RERE: variants seen among roughly 807,000 people sequenced by gnomAD.
The protein encoded by RERE is arginine-glutamic acid dipeptide repeats, also known as arginine-glutamic acid dipeptide repeats protein.
Under a neutral mutation model 146.1 loss-of-function variants are expected in RERE, and 40 were observed. The ratio of observed to expected loss-of-function variants is 0.27; its 90% CI spans 0.21 to 0.36. The LOEUF (loss-of-function observed/expected upper bound fraction) is 0.36. Ranked by LOEUF, RERE falls within the 10% of genes least tolerant of loss-of-function variation. RERE has a pLI of 1.00. For synonymous variants in RERE, 1,003 were observed against 866.0 expected (o/e 1.16, Z -2.78); for missense variants, 1,933 against 2,138.7 (o/e 0.90, Z 1.90).
intron 11 of RERE, among the ~76,000 whole-genome samples, chr1:8,461,880 T>C (rs1299791433): frequency 6.6e-6 from 1 of 152,180 alleles, no homozygotes; most frequent in Non-Finnish European, 1.5e-5. Flanking sequence ...AGTCTTGCTC[T>C]GTTGCCCAGG....
chr1:8,478,568 G>A (rs532381868), intron 10 of RERE, among the ~76,000 whole-genome samples: 1 of 152,270 alleles, frequency 6.6e-6, no homozygotes, highest in African/African-American at 2.4e-5. Context: ...GAAAGTTGCT[G>A]GGTAAGGGGG....
intron 4 of RERE, among the ~76,000 whole-genome samples, chr1:8,596,276 T>C (rs1223389765): frequency 2.6e-5 from 4 of 152,218 alleles, no homozygotes; most frequent in Non-Finnish European, 5.9e-5. Flanking sequence ...AGCTCTCCTC[T>C]AGAAACTGGT....
chr1:8,585,517 T>G (rs751741781), intron 4 of RERE, among the ~76,000 whole-genome samples: 22 of 152,188 alleles, frequency 1.4e-4, no homozygotes, highest in Non-Finnish European at 2.6e-4. Flanking sequence ...ATGCTAATTA[T>G]GTGTCTGCTG....
intron 4 of RERE, among the ~76,000 whole-genome samples, chr1:8,593,233 G>A (rs1430154067): frequency 1.3e-5 from 2 of 152,202 alleles, no homozygotes; most frequent in South Asian, 2.1e-4. Flanking sequence ...TCTGGAATGG[G>A]CCTAAAATAG....
At chr1:8,638,324 T>C (rs1488463778) in intron 2 of RERE, among the ~76,000 whole-genome samples, 1 of 152,226 alleles carries the variant, frequency 6.6e-6, no homozygotes, top group Non-Finnish European at 1.5e-5. Context: ...TTTATACTGA[T>C]GTCATAGGCA....
At chr1:8,670,299 A>G (rs565046151) in intron 1 of RERE, among the ~76,000 whole-genome samples, 14 of 152,360 alleles carry the variant, frequency 9.2e-5, no homozygotes, top group African/African-American at 3.1e-4. Flanking sequence ...AAATGTAGTT[A>G]TAACACTGAT....
intron 1 of RERE, chr1:8,751,044 TC>T (rs1640524925): frequency 1.9e-5 from 11 of 594,194 alleles, no homozygotes; most frequent in Non-Finnish European, 6.1e-6. Flanking sequence ...GCAAATAACT[TC>T]CTGTGGCCCT....
intron 1 of RERE, among the ~76,000 whole-genome samples, chr1:8,738,376 T>C (rs978412130): frequency 6.6e-6 from 1 of 151,938 alleles, no homozygotes; most frequent in African/African-American, 2.4e-5. Flanking sequence ...TCTGCCTCCC[T>C]GGTTCAAGTG....
chr1:8,399,237 A>G (rs574651140), intron 12 of RERE, among the ~76,000 whole-genome samples: 13 of 151,946 alleles, frequency 8.6e-5, no homozygotes, highest in Non-Finnish European at 1.9e-4. Context: ...AGATAAATAT[A>G]TTATCATTTA....
chr1:8,384,281 C>T (rs1159849936), intron 12 of RERE, among the ~76,000 whole-genome samples: 1 of 152,218 alleles, frequency 6.6e-6, no homozygotes, highest in Admixed American at 6.5e-5. Flanking sequence ...CATGCGCATC[C>T]TGTTCCTGCT....
At chr1:8,581,331 A>G (rs1246949703) in intron 4 of RERE, among the ~76,000 whole-genome samples, 4 of 152,214 alleles carry the variant, frequency 2.6e-5, no homozygotes, top group South Asian at 2.1e-4. Context: ...GTCTTATCCT[A>G]TAAGAGTGTT....
intron 2 of RERE, among the ~76,000 whole-genome samples, chr1:8,640,293 T>C (rs781340024): frequency 6.6e-6 from 1 of 152,104 alleles, no homozygotes; most frequent in Non-Finnish European, 1.5e-5. Context: ...TTAAACTATA[T>C]GAATCTCTAT....
chr1:8,416,356 C>T (rs60560758), intron 12 of RERE, among the ~76,000 whole-genome samples: 3,894 of 152,114 alleles, frequency 0.026, 166 homozygotes, highest in African/African-American at 0.089. Flanking sequence ...GAGGCCAAGG[C>T]GGGCGGATCA....
chr1:8,724,932 T>C (rs1383254624), intron 1 of RERE, among the ~76,000 whole-genome samples: 1 of 150,856 alleles, frequency 6.6e-6, no homozygotes, highest in Non-Finnish European at 1.5e-5. Flanking sequence ...ATTAACTTTC[T>C]ACTTTTTTCG....
chr1:8,388,420 C>CGGCCGTTCCCCG (rs1553160190), intron 12 of RERE, among the ~76,000 whole-genome samples: 2 of 152,010 alleles, frequency 1.3e-5, no homozygotes, highest in Non-Finnish European at 2.9e-5. Flanking sequence ...CCCGGGTTCA[C>CGGCCGTTCCCCG]GCCATTCTCC....
intron 12 of RERE, among the ~76,000 whole-genome samples, chr1:8,404,801 G>C (rs1183822692): frequency 6.6e-6 from 1 of 152,174 alleles, no homozygotes; most frequent in Non-Finnish European, 1.5e-5. Flanking sequence ...GTGTCAGGGC[G>C]AGGTGGAAGG....
At chr1:8,595,151 C>A (rs1646540076) in intron 4 of RERE, among the ~76,000 whole-genome samples, 1 of 148,756 alleles carries the variant, frequency 6.7e-6, no homozygotes, top group Non-Finnish European at 1.5e-5. Flanking sequence ...CAGAGCAAGA[C>A]CGTGTCCAAA....
intron 12 of RERE, among the ~76,000 whole-genome samples, chr1:8,395,470 G>C (rs575204626): frequency 3.9e-4 from 51 of 129,730 alleles, no homozygotes; most frequent in Non-Finnish European, 5.3e-4. Context: ...GTGAGGCTCT[G>C]TCTCAAAAAA....
intron 2 of RERE, among the ~76,000 whole-genome samples, chr1:8,635,885 T>C (rs1233349880): frequency 6.6e-6 from 1 of 152,230 alleles, no homozygotes; most frequent in African/African-American, 2.4e-5. Context: ...CCTTGACAAG[T>C]TCACAATCTA....
Sources: gnomAD v4.1 joint callset for allele counts (sites outside exome capture counted in the v4.1 genomes callset) on GRCh38, gnomAD v4.1.1 for gene constraint, MANE v1.5 for transcripts, NCBI Gene and HGNC (gene_info 2026-07-23, HGNC 2026-07-21) for gene names.